The following SLC24A2 variants were observed in gnomAD, a reference collection of about 807,000 sequenced individuals.
SLC24A2 encodes the protein solute carrier family 24 member 2.
SLC24A2 carries 36 observed loss-of-function variants against 62.0 expected under a neutral mutation model. The ratio of observed to expected loss-of-function variants is 0.58; its 90% CI spans 0.44 to 0.77. The LOEUF is 0.77. Ranked by LOEUF, SLC24A2 falls within the 30% of genes least tolerant of loss-of-function variation. The pLI, the probability that SLC24A2 is intolerant of heterozygous loss-of-function variation, is 0.00. For missense variants in SLC24A2, 846 were observed against 817.9 expected (o/e 1.03, Z -0.42); for synonymous variants, 358 against 294.0 (o/e 1.22, Z -2.23).
chr9:19,891,476 G>T, the SLC24A2 span, among the ~76,000 whole-genome samples: 1 of 152,212 alleles, frequency 6.6e-6, no homozygotes, highest in Non-Finnish European at 1.5e-5. Context: ...TCTGCTTCTG[G>T]TTAGGGCTTT....
At chr9:20,289,384 CCA>C in the SLC24A2 span, among the ~76,000 whole-genome samples, 1 of 152,140 alleles carries the variant, frequency 6.6e-6, no homozygotes, top group Non-Finnish European at 1.5e-5. Flanking sequence ...AGCAATTTGT[CCA>C]CAGTCATACC....
intron 4 of SLC24A2, among the ~76,000 whole-genome samples, chr9:19,602,986 C>T (rs946437118): frequency 4.6e-5 from 7 of 152,166 alleles, no homozygotes; most frequent in African/African-American, 1.7e-4. Flanking sequence ...TCTCTGGTCC[C>T]TTTTTCAGCT....
In SLC24A2 at chr9:19,507,513, TAA is replaced by T. The variant is rs1832544518; in HGVS notation, c.*8638_*8639del. ...TTCACACTGAGGAGACTTAGTTACA[TAA>T]AGTGATATTCTATGAATTGATTATC... On this transcript the variant is annotated 3_prime_UTR_variant, in exon 11 of 11. Coordinates refer to ENST00000341998, the MANE Select transcript of SLC24A2 (RefSeq NM_020344.4). 6.6e-6 allele frequency: 1 copy of T among 152,170 alleles called. No homozygotes were observed. Among genetic ancestry groups the T allele is most frequent in the Non-Finnish European group, 1.5e-5 (1 of 68,024 alleles). 9.4% of individuals were successfully genotyped at this position (152,170 alleles called of 1,614,324 possible).
chr9:19,893,483 T>A, the SLC24A2 span, among the ~76,000 whole-genome samples: 5 of 152,230 alleles, frequency 3.3e-5, no homozygotes, highest in Non-Finnish European at 4.4e-5. Context: ...GAGACACTCA[T>A]GGAGCAGGAA....
the SLC24A2 span, among the ~76,000 whole-genome samples, chr9:20,252,160 G>A: frequency 6.6e-6 from 1 of 152,180 alleles, no homozygotes; most frequent in Non-Finnish European, 1.5e-5. Context: ...AGACTGCTAT[G>A]GACAATGAGA....
chr9:20,188,113 A>G, the SLC24A2 span, among the ~76,000 whole-genome samples: 1 of 116,496 alleles, frequency 8.6e-6, no homozygotes, highest in Non-Finnish European at 2.0e-5. Context: ...GAAGAGGATT[A>G]GAGTCAGAAG....
At chr9:20,114,109 C>G in the SLC24A2 span, among the ~76,000 whole-genome samples, 1 of 152,142 alleles carries the variant, frequency 6.6e-6, no homozygotes, top group East Asian at 1.9e-4. Flanking sequence ...TTGATTGAGT[C>G]TGCATGGCAG....
the SLC24A2 span, among the ~76,000 whole-genome samples, chr9:20,189,985 G>A: frequency 6.6e-6 from 1 of 152,180 alleles, no homozygotes; most frequent in African/African-American, 2.4e-5. Flanking sequence ...GAGTGGGACT[G>A]ATCCAAGCAT....
the SLC24A2 span, among the ~76,000 whole-genome samples, chr9:20,198,223 A>T: frequency 6.6e-6 from 1 of 152,184 alleles, no homozygotes; most frequent in African/African-American, 2.4e-5. Flanking sequence ...AAGGGGGAAA[A>T]AAGCATGTCA....
the SLC24A2 span, among the ~76,000 whole-genome samples, chr9:20,299,071 T>G: frequency 6.6e-6 from 1 of 152,192 alleles, no homozygotes; most frequent in Non-Finnish European, 1.5e-5. Context: ...AAGGACAATT[T>G]GAGGTCTTGA....
chr9:19,718,468 T>C (rs1820929089), intron 2 of SLC24A2, among the ~76,000 whole-genome samples: 1 of 146,920 alleles, frequency 6.8e-6, no homozygotes, highest in Non-Finnish European at 1.5e-5. Context: ...ATTTTTTTTT[T>C]TTTTTTTTTT....
the SLC24A2 span, among the ~76,000 whole-genome samples, chr9:19,851,027 A>ATATATATATATATT: frequency 1.8e-5 from 1 of 55,292 alleles, no homozygotes; most frequent in African/African-American, 7.7e-5. Flanking sequence ...ATATATACAT[A>ATATATATATATATT]TTTTTTTTTT....
chr9:19,545,413 C>G (rs1269101340), intron 8 of SLC24A2, among the ~76,000 whole-genome samples: 5 of 152,032 alleles, frequency 3.3e-5, no homozygotes, highest in African/African-American at 7.2e-5. Flanking sequence ...TACCCACTTT[C>G]TGAAGCTTAC....
chr9:20,043,698 T>C, the SLC24A2 span, among the ~76,000 whole-genome samples: 1 of 152,128 alleles, frequency 6.6e-6, no homozygotes, highest in Non-Finnish European at 1.5e-5. Context: ...ATGGCCACAA[T>C]CTCATGACAA....
the SLC24A2 span, among the ~76,000 whole-genome samples, chr9:19,840,885 A>AT: frequency 1.3e-5 from 2 of 152,070 alleles, no homozygotes; most frequent in Non-Finnish European, 2.9e-5. Flanking sequence ...TTTGCTCAAC[A>AT]TTTTTTTAAA....
At chr9:19,778,146 T>C (rs903072998) in intron 2 of SLC24A2, among the ~76,000 whole-genome samples, 2 of 152,200 alleles carry the variant, frequency 1.3e-5, no homozygotes, top group Admixed American at 6.5e-5. Flanking sequence ...TTTCTGGCAA[T>C]AGAATAACAA....
At chr9:20,095,286 T>G in the SLC24A2 span, among the ~76,000 whole-genome samples, 2 of 152,260 alleles carry the variant, frequency 1.3e-5, no homozygotes, top group African/African-American at 4.8e-5. Context: ...ATAATCTATG[T>G]AAACAAAAGT....
At position 19,737,406 on chromosome 9, in the gene SLC24A2, G is replaced by T. The variant is rs1003145188; in HGVS notation, c.930+48531C>A. 2.0e-5 allele frequency among the ~76,000 whole-genome samples: 3 copies of T among 152,214 alleles called. No homozygotes were observed. The South Asian group carries it at 6.2e-4, about 32-fold the overall frequency. Reference sequence around the variant, plus strand: ...AAACATGCATGGGTGTTCTGTTGATGGCCATGTGTGAATGATGGTGTCATA... The same window carrying T: ...AAACATGCATGGGTGTTCTGTTGATTGCCATGTGTGAATGATGGTGTCATA... On this transcript the variant is annotated intron_variant, in intron 2 of 10. Transcript: ENST00000341998.
chr9:20,189,932 G>A, the SLC24A2 span, among the ~76,000 whole-genome samples: 2 of 152,188 alleles, frequency 1.3e-5, no homozygotes, highest in Non-Finnish European at 2.9e-5. Flanking sequence ...GGTGCTGGGA[G>A]GGGAGGGGAG....
Sources: gnomAD v4.1 joint callset for allele counts (sites outside exome capture counted in the v4.1 genomes callset) on GRCh38, gnomAD v4.1.1 for gene constraint, MANE v1.5 for transcripts, NCBI Gene and HGNC (gene_info 2026-07-23, HGNC 2026-07-21) for gene names.